ST8SIA2: variants seen among roughly 807,000 people sequenced by gnomAD.
The protein encoded by ST8SIA2 is alpha-2,8-sialyltransferase 8B.
Under a neutral mutation model 37.6 loss-of-function variants are expected in ST8SIA2, and 22 were observed. The observed-to-expected ratio is 0.58, with a 90% CI of 0.42 to 0.83. The LOEUF (loss-of-function observed/expected upper bound fraction) is 0.83, where lower values mean the gene tolerates loss of function less well. ST8SIA2 is among the 40% of genes least tolerant of loss of function. The pLI, the probability that ST8SIA2 is intolerant of heterozygous loss-of-function variation, is 0.00. For synonymous variants in ST8SIA2, 205 were observed against 201.2 expected (o/e 1.02, Z -0.16); for missense variants, 382 against 484.7 (o/e 0.79, Z 1.99).
intron 5 of ST8SIA2, among the ~76,000 whole-genome samples, chr15:92,452,712 G>A (rs571581798): frequency 2.6e-5 from 4 of 152,332 alleles, no homozygotes; most frequent in Non-Finnish European, 5.9e-5. Context: ...ACATCTGGAC[G>A]TAAGTCAGCT....
chr15:92,454,673 G>A (rs891630326), intron 5 of ST8SIA2, among the ~76,000 whole-genome samples: 11 of 151,842 alleles, frequency 7.2e-5, no homozygotes, highest in Admixed American at 5.9e-4. Flanking sequence ...AGCTGGCAGG[G>A]CCCGGCCTCT....
intron 1 of ST8SIA2, among the ~76,000 whole-genome samples, chr15:92,395,781 C>T (rs1450121399): frequency 6.6e-6 from 1 of 152,210 alleles, no homozygotes; most frequent in African/African-American, 2.4e-5. Context: ...CTGCCCGGCT[C>T]AGATCACTTG....
At chr15:92,451,244 A>AG (rs1221758970) in intron 5 of ST8SIA2, among the ~76,000 whole-genome samples, 2 of 152,210 alleles carry the variant, frequency 1.3e-5, no homozygotes, top group Non-Finnish European at 2.9e-5. Context: ...GCACTCATTT[A>AG]GGGACAGGGA....
intron 5 of ST8SIA2, among the ~76,000 whole-genome samples, chr15:92,451,983 G>A (rs1034836220): frequency 1.7e-4 from 26 of 152,218 alleles, no homozygotes; most frequent in Non-Finnish European, 4.4e-5. Context: ...AAGAAAAACA[G>A]AAAAGTCTTT....
At chr15:92,450,339 G>A (rs981642601) in intron 5 of ST8SIA2, among the ~76,000 whole-genome samples, 4 of 152,184 alleles carry the variant, frequency 2.6e-5, no homozygotes, top group African/African-American at 9.6e-5. Context: ...CAATAAGTAC[G>A]TGGCAAGATG....
At chr15:92,418,763 T>A (rs888161348) in intron 1 of ST8SIA2, among the ~76,000 whole-genome samples, 5 of 152,152 alleles carry the variant, frequency 3.3e-5, no homozygotes, top group Admixed American at 3.3e-4. Context: ...AACAAAATCT[T>A]GTTGGGTGTA....
intron 2 of ST8SIA2, among the ~76,000 whole-genome samples, chr15:92,432,895 A>G (rs1596240456): frequency 6.6e-6 from 1 of 152,092 alleles, no homozygotes; most frequent in Non-Finnish European, 1.5e-5. Context: ...ACTTTGGGAG[A>G]CCGAGGCAGG....
chr15:92,444,771 ACGGC>A lies in ST8SIA2; in HGVS notation c.685_688del (p.Arg229CysfsTer31). ...CCACGTGGCGGGAGAAGCTGCTGCA[ACGGC>A]TGCACAGCCTCAATGGCAGCATCCT... On this transcript the variant is annotated frameshift_variant, in exon 5 of 6. Transcript: ENST00000268164. LOFTEE classifies it high-confidence loss of function. 1 of 1,614,128 alleles carries A rather than the reference ACGGC, an allele frequency of 6.2e-7. No homozygotes were observed. The highest frequency in any genetic ancestry group is 8.5e-7 in the Non-Finnish European group (1 of 1,180,034).
At chr15:92,462,913 C>T (rs370456258) in intron 5 of ST8SIA2, among the ~76,000 whole-genome samples, 9 of 152,284 alleles carry the variant, frequency 5.9e-5, no homozygotes, top group East Asian at 1.9e-4. Context: ...TGTGATGGAA[C>T]GTAAGAGGAT....
intron 1 of ST8SIA2, among the ~76,000 whole-genome samples, chr15:92,408,264 C>T (rs367827488): frequency 2.6e-5 from 4 of 152,054 alleles, no homozygotes. Context: ...AGACCTTTCA[C>T]CCCTGCAACA....
At chr15:92,399,384 G>A (rs1436881236) in intron 1 of ST8SIA2, among the ~76,000 whole-genome samples, 1 of 152,158 alleles carries the variant, frequency 6.6e-6, no homozygotes, top group African/African-American at 2.4e-5. Flanking sequence ...CAAACACCAG[G>A]CCCTGTCTGG....
chr15:92,395,934 T>A (rs956951624), intron 1 of ST8SIA2, among the ~76,000 whole-genome samples: 1 of 152,236 alleles, frequency 6.6e-6, no homozygotes, highest in Non-Finnish European at 1.5e-5. Flanking sequence ...CTGGGAACTT[T>A]TAATTTTTAA....
intron 1 of ST8SIA2, among the ~76,000 whole-genome samples, chr15:92,400,168 G>A (rs1437676322): frequency 6.6e-6 from 1 of 152,106 alleles, no homozygotes; most frequent in Non-Finnish European, 1.5e-5. Context: ...TCTTCTTCCA[G>A]GCTAAGATCT....
chr15:92,440,529 A>G (rs796606744), intron 4 of ST8SIA2, among the ~76,000 whole-genome samples: 3 of 152,322 alleles, frequency 2.0e-5, no homozygotes, highest in African/African-American at 4.8e-5. Flanking sequence ...AATGCCAAGG[A>G]GCAAGTTACT....
chr15:92,396,941 A>C (rs1006400754), intron 1 of ST8SIA2, among the ~76,000 whole-genome samples: 5 of 152,188 alleles, frequency 3.3e-5, no homozygotes, highest in African/African-American at 1.2e-4. Flanking sequence ...GAGACCTCGA[A>C]TCATACTCAG....
At chr15:92,428,784 C>G (rs533253184) in intron 1 of ST8SIA2, among the ~76,000 whole-genome samples, 32 of 152,276 alleles carry the variant, frequency 2.1e-4, no homozygotes, top group Non-Finnish European at 4.0e-4. Context: ...AATCTGGAAC[C>G]TTAAGGGAGA....
chr15:92,441,103 A>C (rs2049798209), intron 4 of ST8SIA2, among the ~76,000 whole-genome samples: 1 of 152,196 alleles, frequency 6.6e-6, no homozygotes. Context: ...TGCCAATCCA[A>C]GTCTTCAATC....
intron 5 of ST8SIA2, among the ~76,000 whole-genome samples, chr15:92,446,475 G>A (rs909344289): frequency 3.3e-5 from 5 of 152,130 alleles, no homozygotes; most frequent in African/African-American, 1.2e-4. Flanking sequence ...GCCTCTCAAT[G>A]GGAAAGTGCC....
In ST8SIA2 at chr15:92,466,842, C is replaced by G. The variant is rs1596254248; in HGVS notation, c.*2457C>G. On this transcript the variant is annotated 3_prime_UTR_variant, in exon 6 of 6. Coordinates refer to ENST00000268164, the MANE Select transcript of ST8SIA2 (RefSeq NM_006011.4). ...TCTCTGGCTCATTGTCCTTCTCCAT[C>G]TGGGCCAATTGTCCTTCCCTGCCCA... 6.6e-6 allele frequency: 1 copy of G among 152,416 alleles called. No homozygotes were observed. The highest frequency in any genetic ancestry group is 2.4e-5 in the African/African-American group (1 of 41,446). 9.4% of individuals were successfully genotyped at this position (152,416 alleles called of 1,614,324 possible). A position where few individuals can be genotyped will look rare whatever the true frequency, so the allele number is the denominator to read the frequency against.
Sources: allele counts gnomAD v4.1 joint callset (sites outside exome capture counted in the v4.1 genomes callset), GRCh38; gene constraint gnomAD v4.1.1; transcripts MANE v1.5; gene names NCBI Gene and HGNC (gene_info 2026-07-23, HGNC 2026-07-21).